Variants in CENPW observed in about 807,000 individuals in gnomAD.
CENPW encodes the protein centromere protein W.
CENPW carries 3 observed loss-of-function variants against 11.1 expected under a neutral mutation model. That is an observed-to-expected ratio of 0.27 (90% CI 0.12 to 0.70). The LOEUF (loss-of-function observed/expected upper bound fraction) is 0.70. Ranked by LOEUF, CENPW falls within the 30% of genes least tolerant of loss-of-function variation. The probability of loss-of-function intolerance (pLI) is 0.77; values close to 1 mark genes in which losing one functional copy is unlikely to be tolerated. For synonymous variants in CENPW, 38 were observed against 42.0 expected (o/e 0.91, Z 0.37); for missense variants, 100 against 105.6 (o/e 0.95, Z 0.23).
downstream of CENPW, among the ~76,000 whole-genome samples, chr6:126,350,787 T>C (rs115223599): frequency 8.5e-3 from 1,300 of 152,236 alleles, 14 homozygotes; most frequent in African/African-American, 0.03. Flanking sequence ...AGCATTAATG[T>C]GAAAAAATTT....
chr6:126,445,503 A>T, the CENPW span, among the ~76,000 whole-genome samples: 1 of 151,210 alleles, frequency 6.6e-6, no homozygotes, highest in Non-Finnish European at 1.5e-5. Flanking sequence ...TTTAATTAAC[A>T]ATCATTTTGC....
chr6:126,441,124 A>C, the CENPW span, among the ~76,000 whole-genome samples: 3 of 151,528 alleles, frequency 2.0e-5, no homozygotes, highest in Middle Eastern at 0.01. Flanking sequence ...GGAAGTGAGC[A>C]GTAGTGGTTA....
chr6:126,393,621 T>G, the CENPW span, among the ~76,000 whole-genome samples: 2 of 151,670 alleles, frequency 1.3e-5, no homozygotes, highest in South Asian at 4.1e-4. Flanking sequence ...GTAGTTTTAT[T>G]CCATTGTGGA....
chr6:126,412,627 C>T, the CENPW span, among the ~76,000 whole-genome samples: 1 of 152,056 alleles, frequency 6.6e-6, no homozygotes, highest in African/African-American at 2.4e-5. Flanking sequence ...GCCATTACTT[C>T]TTTGAATATA....
At chr6:126,377,986 C>CT in the CENPW span, among the ~76,000 whole-genome samples, 3 of 152,186 alleles carry the variant, frequency 2.0e-5, no homozygotes, top group African/African-American at 7.2e-5. Flanking sequence ...CTTAAGAACT[C>CT]TTTCAAAGTG....
At chr6:126,448,741 A>G in the CENPW span, among the ~76,000 whole-genome samples, 1 of 151,046 alleles carries the variant, frequency 6.6e-6, no homozygotes, top group Admixed American at 6.6e-5. Context: ...CATGACATTC[A>G]TATAACTCCC....
At chr6:126,417,554 G>A in the CENPW span, among the ~76,000 whole-genome samples, 2 of 152,154 alleles carry the variant, frequency 1.3e-5, no homozygotes, top group Non-Finnish European at 2.9e-5. Context: ...ATCAAATAAT[G>A]GGTGTGGGTC....
chr6:126,448,787 C>T, the CENPW span, among the ~76,000 whole-genome samples: 113 of 151,132 alleles, frequency 7.5e-4, no homozygotes, highest in Middle Eastern at 3.4e-3. Flanking sequence ...TCAGGTTCTA[C>T]GACAAAAGAA....
At chr6:126,403,316 G>C in the CENPW span, among the ~76,000 whole-genome samples, 1 of 152,138 alleles carries the variant, frequency 6.6e-6, no homozygotes, top group Non-Finnish European at 1.5e-5. Context: ...TTAAGCTTTA[G>C]TGAGGAAGCC....
chr6:126,348,748 A>C lies in CENPW; in HGVS notation c.*256A>C, dbSNP rs1056612566. Reference sequence around the variant, plus strand: ...TTTGCTTTTGTTTTGTTGCTGCTGCAAATATTTTATGTATCAAAAATGAAA... The same window carrying C: ...TTTGCTTTTGTTTTGTTGCTGCTGCCAATATTTTATGTATCAAAAATGAAA... On this transcript the variant is annotated 3_prime_UTR_variant, in exon 3 of 3. Transcript: ENST00000368328. The C allele has an allele frequency of 3.7e-6, 1 of 267,642 alleles. No homozygotes were observed. Among genetic ancestry groups the C allele is most frequent in the African/African-American group, 2.2e-5 (1 of 45,196 alleles). 16.6% of individuals were successfully genotyped at this position (267,642 alleles called of 1,614,324 possible).
chr6:126,382,785 G>A, the CENPW span, among the ~76,000 whole-genome samples: 9 of 152,160 alleles, frequency 5.9e-5, no homozygotes, highest in African/African-American at 1.9e-4. Context: ...ATGGGATCAT[G>A]TAAAGAGACC....
chr6:126,362,615 G>T, the CENPW span, among the ~76,000 whole-genome samples: 1 of 152,052 alleles, frequency 6.6e-6, no homozygotes, highest in African/African-American at 2.4e-5. Context: ...GTGCTATCTT[G>T]TCCCCCACCT....
chr6:126,402,818 T>C, the CENPW span, among the ~76,000 whole-genome samples: 1 of 152,070 alleles, frequency 6.6e-6, no homozygotes, highest in Non-Finnish European at 1.5e-5. Flanking sequence ...GCTATGAATA[T>C]TCATGTACAA....
At chr6:126,422,532 C>G in the CENPW span, among the ~76,000 whole-genome samples, 1 of 152,058 alleles carries the variant, frequency 6.6e-6, no homozygotes, top group Non-Finnish European at 1.5e-5. Context: ...CCCAAACTTA[C>G]TAAATTAGGA....
the CENPW span, among the ~76,000 whole-genome samples, chr6:126,364,503 T>C: frequency 6.6e-6 from 1 of 152,132 alleles, no homozygotes; most frequent in African/African-American, 2.4e-5. Flanking sequence ...CAGAGAACTA[T>C]CAATATATAT....
the CENPW span, among the ~76,000 whole-genome samples, chr6:126,359,075 A>G: frequency 6.6e-6 from 1 of 151,842 alleles, no homozygotes; most frequent in Admixed American, 6.6e-5. Flanking sequence ...GCACTACAGA[A>G]TTTCCTCTTA....
the CENPW span, among the ~76,000 whole-genome samples, chr6:126,383,923 A>T: frequency 6.6e-6 from 1 of 151,914 alleles, no homozygotes; most frequent in Non-Finnish European, 1.5e-5. Flanking sequence ...GACCTGATAG[A>T]CATCTACAGA....
chr6:126,477,242 C>A, the CENPW span, among the ~76,000 whole-genome samples: 1 of 151,908 alleles, frequency 6.6e-6, no homozygotes, highest in Non-Finnish European at 1.5e-5. Context: ...ATATAGTTTG[C>A]TTACTTCCTA....
the CENPW span, among the ~76,000 whole-genome samples, chr6:126,380,291 C>T: frequency 1.3e-5 from 2 of 152,060 alleles, no homozygotes; most frequent in African/African-American, 4.8e-5. Context: ...AACCAAAGTC[C>T]AAGCTGAAGC....
Sources: allele counts gnomAD v4.1 joint callset (sites outside exome capture counted in the v4.1 genomes callset), GRCh38; gene constraint gnomAD v4.1.1; transcripts MANE v1.5; gene names NCBI Gene and HGNC (gene_info 2026-07-23, HGNC 2026-07-21).